Variants in PTPRT observed in about 807,000 individuals in gnomAD.
PTPRT encodes receptor-type tyrosine-protein phosphatase T.
In PTPRT, 56 loss-of-function variants were observed where a neutral mutation model predicts 176.8. That is an observed-to-expected ratio of 0.32 (90% confidence interval 0.26 to 0.40). The LOEUF (loss-of-function observed/expected upper bound fraction) is 0.40. PTPRT is among the 10% of genes least tolerant of loss of function. The probability of loss-of-function intolerance (pLI) is 1.00; values close to 1 mark genes in which losing one functional copy is unlikely to be tolerated. For missense variants in PTPRT, 1,540 were observed against 1,908.2 expected (o/e 0.81, Z 3.60); for synonymous variants, 783 against 739.0 (o/e 1.06, Z -0.96).
rs780331903 is a variant in PTPRT at position 42,085,782 on chromosome 20, T to C, written c.3918A>G (p.Ala1306=). The change falls in exon 28 of 31, where the codon GCA becomes GCG. Residue 1306 remains alanine, a synonymous_variant. Coordinates refer to ENST00000373187, the MANE Select transcript of PTPRT (RefSeq NM_007050.6). The part of the protein sequence containing the change: ...YGPIQVEFVS[A]DIDEDIIHRI... ...TGTGGATGATGTCCTCGTCGATGTCTGCGGAGACGAACTCCACCTGGATGG... is the reference window on the plus strand; with the variant it reads ...TGTGGATGATGTCCTCGTCGATGTCCGCGGAGACGAACTCCACCTGGATGG... 6.2e-7 allele frequency: 1 copy of C among 1,614,010 alleles called. No homozygotes were observed. Among genetic ancestry groups the C allele is most frequent in the East Asian group, 2.2e-5 (1 of 44,870 alleles).
At chr20:42,956,150 G>A (rs766106555) in intron 1 of PTPRT, among the ~76,000 whole-genome samples, 10 of 152,128 alleles carry the variant, frequency 6.6e-5, no homozygotes, top group East Asian at 3.9e-4. Context: ...ATCCTACCCC[G>A]TAGTATGGGG....
intron 1 of PTPRT, among the ~76,000 whole-genome samples, chr20:43,127,194 C>A (rs192122599): frequency 6.6e-6 from 1 of 151,964 alleles, no homozygotes; most frequent in Non-Finnish European, 1.5e-5. Flanking sequence ...GAGGCAAAGG[C>A]GGGCGGATCA....
At chr20:42,239,323 C>T (rs576654370) in intron 14 of PTPRT, among the ~76,000 whole-genome samples, 46 of 151,898 alleles carry the variant, frequency 3.0e-4, no homozygotes, top group South Asian at 1.7e-3. Flanking sequence ...GATGGAGACA[C>T]TGAGGCAAAC....
At chr20:42,778,340 T>C (rs1270840430) in intron 4 of PTPRT, among the ~76,000 whole-genome samples, 1 of 151,974 alleles carries the variant, frequency 6.6e-6, no homozygotes, top group Non-Finnish European at 1.5e-5. Context: ...AAGAGACAGG[T>C]GTCAAGGTTG....
intron 11 of PTPRT, among the ~76,000 whole-genome samples, chr20:42,324,353 T>C (rs1338684139): frequency 6.6e-6 from 1 of 152,212 alleles, no homozygotes; most frequent in Non-Finnish European, 1.5e-5. Flanking sequence ...GATTAGCAAT[T>C]GCCTGGGACT....
chr20:42,780,444 T>C, intron 3 of PTPRT, 145 bp from the exon 4 acceptor site: 1 of 562,922 alleles, frequency 1.8e-6, no homozygotes, highest in South Asian at 2.6e-5. Flanking sequence ...CACGCTACCC[T>C]GGCAATTGAC....
chr20:42,493,595 G>A (rs992267835), intron 7 of PTPRT, among the ~76,000 whole-genome samples: 56 of 152,040 alleles, frequency 3.7e-4, no homozygotes, highest in African/African-American at 1.3e-3. Flanking sequence ...GAGGTCACCA[G>A]GGCCTAAGGT....
intron 11 of PTPRT, 116 bp from the exon 12 acceptor site, chr20:42,316,112 A>G (rs1173592026): frequency 1.8e-5 from 21 of 1,160,754 alleles, no homozygotes; most frequent in Non-Finnish European, 2.4e-5. Context: ...TCGGTCTACA[A>G]CAAAACTCCA....
intron 7 of PTPRT, among the ~76,000 whole-genome samples, chr20:42,498,056 T>C (rs368273602): frequency 2.0e-5 from 3 of 152,298 alleles, no homozygotes; most frequent in South Asian, 2.1e-4. Context: ...TGGTACTTTG[T>C]ATGGGTATCA....
At chr20:42,097,615 G>A (rs986448168) in intron 27 of PTPRT, among the ~76,000 whole-genome samples, 9 of 152,290 alleles carry the variant, frequency 5.9e-5, no homozygotes, top group Non-Finnish European at 8.8e-5. Context: ...AAGACCATGC[G>A]CTTTTGGAGG....
At chr20:42,801,167 G>C (rs6130225) in intron 2 of PTPRT, among the ~76,000 whole-genome samples, 16,628 of 152,218 alleles carry the variant, frequency 0.11, 1,171 homozygotes, top group East Asian at 0.36. Flanking sequence ...ACTTATTACC[G>C]TGTGTGCTGC....
chr20:42,072,209 A>G (rs1982375581), downstream of PTPRT, among the ~76,000 whole-genome samples: 2 of 152,198 alleles, frequency 1.3e-5, no homozygotes, highest in Admixed American at 1.3e-4. Context: ...ATAAGGCGCA[A>G]GGCTGTAACA....
At chr20:42,276,545 A>ATT (rs1212578958) in intron 13 of PTPRT, among the ~76,000 whole-genome samples, 27 of 63,394 alleles carry the variant, frequency 4.3e-4, no homozygotes, top group African/African-American at 1.7e-3. Context: ...ATATATATAT[A>ATT]TATATATATA....
At chr20:42,786,638 G>A (rs1016731108) in intron 3 of PTPRT, among the ~76,000 whole-genome samples, 1 of 152,112 alleles carries the variant, frequency 6.6e-6, no homozygotes, top group African/African-American at 2.4e-5. Context: ...CAAAAGCATG[G>A]CAAATGGTAT....
chr20:43,076,630 G>A (rs915482001), intron 1 of PTPRT, among the ~76,000 whole-genome samples: 9 of 152,112 alleles, frequency 5.9e-5, no homozygotes, highest in Non-Finnish European at 1.2e-4. Context: ...CCACCTACTA[G>A]TTGGAGCAAA....
chr20:42,142,919 C>T (rs113645444), intron 17 of PTPRT, among the ~76,000 whole-genome samples: 50 of 152,166 alleles, frequency 3.3e-4, no homozygotes, highest in South Asian at 1.5e-3. Context: ...TAATATGAAA[C>T]AGCCAGTCAC....
intron 27 of PTPRT, among the ~76,000 whole-genome samples, chr20:42,093,645 A>G (rs1984872958): frequency 6.6e-6 from 1 of 152,216 alleles, no homozygotes; most frequent in Admixed American, 6.5e-5. Context: ...GTTCCCAGGC[A>G]AACCACAGGA....
chr20:42,549,718 G>A (rs1169585075), intron 7 of PTPRT, among the ~76,000 whole-genome samples: 1 of 152,108 alleles, frequency 6.6e-6, no homozygotes, highest in African/African-American at 2.4e-5. Flanking sequence ...CGCCACAGCT[G>A]GTGAATGGGA....
chr20:43,163,942 G>A (rs6065586), intron 1 of PTPRT, among the ~76,000 whole-genome samples: 28,949 of 152,108 alleles, frequency 0.19, 3,026 homozygotes, highest in East Asian at 0.33. Flanking sequence ...AGATCCTTGC[G>A]TGCTATAAGG....
Sources: allele counts gnomAD v4.1 joint callset (sites outside exome capture counted in the v4.1 genomes callset), GRCh38; gene constraint gnomAD v4.1.1; transcripts MANE v1.5; gene names NCBI Gene and HGNC (gene_info 2026-07-23, HGNC 2026-07-21).